ZNF223: variants seen among roughly 807,000 people sequenced by gnomAD.
ZNF223 encodes the protein Homo sapiens zinc finger protein 223.
In ZNF223, 9 loss-of-function variants were observed where a neutral mutation model predicts 12.3. That is an observed-to-expected ratio of 0.73 (90% confidence interval 0.44 to 1.28). ZNF223 has a LOEUF of 1.28. Among genes scored for constraint, ZNF223 ranks in the 50% most tolerant of loss-of-function variants. ZNF223 has a pLI of 0.00. For missense variants in ZNF223, 506 were observed against 579.0 expected, an observed-to-expected ratio of 0.87 and a Z score of 1.29; for synonymous variants, 171 against 195.2, an observed-to-expected ratio of 0.88 and a Z score of 1.03.
intron 2 of ZNF223, among the ~76,000 whole-genome samples, chr19:44,059,391 G>A (rs975398373): frequency 7.9e-5 from 12 of 152,166 alleles, no homozygotes; most frequent in Non-Finnish European, 1.5e-4. Context: ...AGGTTCTGAC[G>A]TGACAAGCCA....
At chr19:44,052,882 T>C (rs73556278) in intron 1 of ZNF223, among the ~76,000 whole-genome samples, 3,232 of 152,092 alleles carry the variant, frequency 0.021, 101 homozygotes, top group African/African-American at 0.059. Context: ...GTCAGATAGA[T>C]GTGTTAAAAG....
Position 44,057,556 on chromosome 19 carries a change from C to CA in ZNF223, c.15+2369dup, listed in dbSNP as rs1234018085. Among the ~76,000 whole-genome samples the CA allele has an allele frequency of 1.1e-4, 17 of 152,260 alleles. No individual in the cohort carries two copies. In the South Asian group the frequency reaches 3.5e-3, roughly 32 times the overall value. On this transcript the variant is annotated intron_variant, in intron 2 of 4. Transcript: ENST00000434772. ...TAAACAGTCTGTGCCGTAGACTTTTCAAAATACCGTATATTTCTTTTCTTA... is the reference window on the plus strand; with the variant it reads ...TAAACAGTCTGTGCCGTAGACTTTTCAAAAATACCGTATATTTCTTTTCTTA...
intron 1 of ZNF223, among the ~76,000 whole-genome samples, chr19:44,053,501 T>C (rs1366872816): frequency 6.6e-6 from 1 of 152,222 alleles, no homozygotes; most frequent in Middle Eastern, 3.2e-3. Flanking sequence ...GCCGCCAGTA[T>C]GTCTCACCTC....
At chr19:44,064,435 C>T (rs1466153721) in intron 4 of ZNF223, among the ~76,000 whole-genome samples, 1 of 152,106 alleles carries the variant, frequency 6.6e-6, no homozygotes, top group Non-Finnish European at 1.5e-5. Context: ...AGATAACCAA[C>T]TTATCATCCA....
upstream of ZNF223, chr19:44,051,770 C>T (rs947959038): frequency 2.6e-5 from 4 of 152,270 alleles, no homozygotes; most frequent in African/African-American, 9.6e-5. Context: ...GCAGTCCAGA[C>T]ACCTTGCGGG....
chr19:44,063,175 C>T (rs889193044), intron 4 of ZNF223: 2 of 152,144 alleles, frequency 1.3e-5, no homozygotes, highest in African/African-American at 4.8e-5. Context: ...ATCCATGTAC[C>T]TATTAGACAG....
chr19:44,065,936 C>T (rs1291248648), intron 4 of ZNF223, 128 bp from the exon 5 acceptor site: 4 of 1,439,152 alleles, frequency 2.8e-6, no homozygotes, highest in South Asian at 1.5e-5. Context: ...AAACCAGAAA[C>T]CAGGGTGCAC....
intron 4 of ZNF223, among the ~76,000 whole-genome samples, chr19:44,064,987 C>G (rs533702590): frequency 3.9e-5 from 6 of 152,280 alleles, no homozygotes; most frequent in African/African-American, 1.4e-4. Context: ...GTTATTTAGT[C>G]TTTTGGTCCA....
rs1355275574 is a variant in ZNF223 at position 44,060,594 on chromosome 19, A to G, written c.142+13A>G. The G allele has an allele frequency of 5.6e-6, 9 of 1,614,036 alleles. No individual in the cohort carries two copies. The highest frequency in any genetic ancestry group is 1.7e-5 in the Admixed American group (1 of 60,012). On this transcript the variant is annotated intron_variant, in intron 3 of 4. Transcript: ENST00000434772. The stretch of plus-strand genomic sequence containing the variant: ...CTGCTGTCAGTGGGTGAGGACAGGC[A>G]TCTTCTATAAGGGAATGTCAGGCCC...
intron 2 of ZNF223, among the ~76,000 whole-genome samples, chr19:44,056,820 G>C (rs1053123286): frequency 5.9e-5 from 9 of 151,552 alleles, no homozygotes; most frequent in African/African-American, 2.2e-4. Context: ...GGATGGTCTC[G>C]ATCTGACCTC....
rs967144944 is a variant in ZNF223 at position 44,067,329 on chromosome 19, A to T, written c.*52A>T. On this transcript the variant is annotated 3_prime_UTR_variant, in exon 5 of 5. Transcript: ENST00000434772. ...TGTGATATTTAAATATATGTATATG[A>T]TGTATAATGATCAAATCAGTGTAAT... The T allele has an allele frequency of 2.0e-6, 3 of 1,488,636 alleles. No individual in the cohort carries two copies. Among genetic ancestry groups the T allele is most frequent in the Non-Finnish European group, 1.8e-6 (2 of 1,088,766 alleles). The allele number at this position is 1,488,636 out of a possible 1,614,324, so 92.2% of individuals were successfully genotyped here.
intron 4 of ZNF223, among the ~76,000 whole-genome samples, chr19:44,065,843 G>C (rs776695114): frequency 6.6e-6 from 1 of 152,076 alleles, no homozygotes; most frequent in Non-Finnish European, 1.5e-5. Flanking sequence ...TTCCCAAAGT[G>C]CCTTGGTCTC....
At chr19:44,059,114 A>G (rs1253291492) in intron 2 of ZNF223, among the ~76,000 whole-genome samples, 1 of 152,152 alleles carries the variant, frequency 6.6e-6, no homozygotes, top group African/African-American at 2.4e-5. Flanking sequence ...GGGAATGGGG[A>G]CATTATCTTT....
intron 1 of ZNF223, 144 bp from the exon 2 acceptor site, chr19:44,054,965 T>C (rs1346694601): frequency 2.1e-6 from 1 of 475,916 alleles, no homozygotes; most frequent in Non-Finnish European, 3.8e-6. Context: ...AGGAGAGCTT[T>C]TTGGTTGTGT....
In ZNF223 at chr19:44,066,553, G is replaced by C. The variant is rs759004472; in HGVS notation, c.725G>C (p.Arg242Thr). 1 of 1,614,192 alleles carries C rather than the reference G, an allele frequency of 6.2e-7. No homozygotes were observed. The highest frequency in any genetic ancestry group is 1.1e-5 in the South Asian group (1 of 91,082). ...TGTGAACAATGTGGGAGAGGCTTCA[G>C]ATGTAGATCAGCACTTACAGTTCAT... ...FKCEQCGRGFRCRSALTVHCK... is the reference protein window; with the variant it reads ...FKCEQCGRGFTCRSALTVHCK... The change falls in exon 5 of 5, where the codon AGA becomes ACA. Residue 242 changes from arginine (R) to threonine (T), a missense_variant. Transcript: ENST00000434772.
Position 44,066,437 on chromosome 19 carries a change from CTT to C in ZNF223, c.611_612del (p.Phe204Ter). The C allele has an allele frequency of 6.2e-7, 1 of 1,614,160 alleles. No individual in the cohort carries two copies. Among genetic ancestry groups the C allele is most frequent in the Non-Finnish European group, 8.5e-7 (1 of 1,180,036 alleles). On this transcript the variant is annotated frameshift_variant, in exon 5 of 5. Transcript: ENST00000434772. LOFTEE classifies it low-confidence loss of function (END_TRUNC). The part of the protein sequence containing the change: ...HQRVHLGEKL[F>X]KCDVCGKEFS... ...AGAGAGTCCACCTGGGAGAGAAACTCTTTAAGTGTGACGTGTGTGGTAAGGAA... is the reference window on the plus strand; with the variant it reads ...AGAGAGTCCACCTGGGAGAGAAACTCTAAGTGTGACGTGTGTGGTAAGGAA...
rs1352093133 is a variant in ZNF223 at position 44,067,808 on chromosome 19, T to C, written c.*531T>C. ...AACACTAATGATGAACATGTCAAAA[T>C]TGATGACCACTAGAATGTCAGCCAC... On this transcript the variant is annotated 3_prime_UTR_variant, in exon 5 of 5. Transcript: ENST00000434772. 2 of 218,530 alleles carry C rather than the reference T, an allele frequency of 9.2e-6. No individual in the cohort carries two copies. Among genetic ancestry groups the C allele is most frequent in the African/African-American group, 2.3e-5 (1 of 43,412 alleles). 13.5% of individuals were successfully genotyped at this position (218,530 alleles called of 1,614,324 possible). A position where few individuals can be genotyped will look rare whatever the true frequency, so the allele number is the denominator to read the frequency against.
At chr19:44,061,440 A>G (rs1304928665) in intron 4 of ZNF223, among the ~76,000 whole-genome samples, 5 of 152,184 alleles carry the variant, frequency 3.3e-5, no homozygotes, top group Non-Finnish European at 7.3e-5. Flanking sequence ...CAGTCCCTAG[A>G]CACTGTCCAC....
intron 4 of ZNF223, among the ~76,000 whole-genome samples, chr19:44,064,833 A>G (rs1369674369): frequency 6.6e-6 from 1 of 152,214 alleles, no homozygotes. Flanking sequence ...CTCACAGTAG[A>G]GTCGGGCATG....
Sources: allele counts gnomAD v4.1 joint callset (sites outside exome capture counted in the v4.1 genomes callset), GRCh38; gene constraint gnomAD v4.1.1; transcripts MANE v1.5; gene names NCBI Gene and HGNC (gene_info 2026-07-23, HGNC 2026-07-21).